The following ACOX1 variants were observed in gnomAD, a reference collection of about 807,000 sequenced individuals.
The protein encoded by ACOX1 is peroxisomal acyl-coenzyme A oxidase 1.
A neutral mutation model predicts 75.5 loss-of-function variants in ACOX1; 41 were observed. The ratio of observed to expected loss-of-function variants is 0.54; its 90% CI spans 0.42 to 0.70. The LOEUF is 0.70. Among genes scored for constraint, ACOX1 ranks in the 30% least tolerant of loss-of-function variants. ACOX1 has a pLI of 0.00. For synonymous variants in ACOX1, 303 were observed against 298.8 expected (o/e 1.01, Z -0.15); for missense variants, 630 against 837.5 (o/e 0.75, Z 3.06).
chr17:75,950,400 A>G lies in ACOX1; in HGVS notation c.1298+374T>C, dbSNP rs527392897. 1.1e-3 allele frequency among the ~76,000 whole-genome samples: 163 copies of G among 152,226 alleles called. No homozygotes were observed. In the Middle Eastern group the frequency reaches 0.034, roughly 32 times the overall value. On this transcript the variant is annotated intron_variant, in intron 9 of 13. Transcript: ENST00000293217. The surrounding 1 kb of genome is among the most constrained non-coding windows in gnomAD (Gnocchi z 4.3). ...AGGCCGGGATTACAGGCAATGTGCC[A>G]TCATGCCCGGCTAATTTTTTTGTAT...
chr17:75,947,054 G>A (rs554952524), intron 13 of ACOX1, among the ~76,000 whole-genome samples: 1 of 151,906 alleles, frequency 6.6e-6, no homozygotes, highest in South Asian at 2.1e-4. Context: ...TTTTTTTGTA[G>A]AGATGGGGGT....
rs1236200989 is a variant in ACOX1, at chr17:75,950,397, G to A, written c.1298+377C>T. Among the ~76,000 whole-genome samples, 3 of 152,068 alleles carry A rather than the reference G, an allele frequency of 2.0e-5. No homozygotes were observed. The highest frequency in any genetic ancestry group is 7.2e-5 in the African/African-American group (3 of 41,400). ...AGTAGGCCGGGATTACAGGCAATGT[G>A]CCATCATGCCCGGCTAATTTTTTTG... is the stretch of plus-strand genomic sequence containing the variant. On this transcript the variant is annotated intron_variant, in intron 9 of 13. Transcript: ENST00000293217. The surrounding 1 kb of genome is among the most constrained non-coding windows in gnomAD (Gnocchi z 4.3).
intron 2 of ACOX1, among the ~76,000 whole-genome samples, chr17:75,961,888 A>G (rs137979561): frequency 1.4e-4 from 21 of 152,074 alleles, no homozygotes; most frequent in African/African-American, 4.3e-4. Flanking sequence ...CGGAGAACAG[A>G]GAATTTGAGT....
chr17:75,967,796 A>C (rs2065952817), intron 2 of ACOX1, among the ~76,000 whole-genome samples: 1 of 150,018 alleles, frequency 6.7e-6, no homozygotes, highest in African/African-American at 2.4e-5. Flanking sequence ...GCTGGAGTGC[A>C]GTGGCACGAT....
In ACOX1 at chr17:75,950,912, G is replaced by A. The variant is rs1441908388; in HGVS notation, c.1160C>T (p.Thr387Ile). Residue 387 changes from threonine (T) to isoleucine (I), a missense_variant, in exon 9 of 14, where the codon ACT (threonine) becomes ATT (isoleucine). Transcript: ENST00000293217. The surrounding 1 kb of genome is among the most constrained non-coding windows in gnomAD (Gnocchi z 4.3). ...AGCCATCCGACATGCTTCAATGCCA[G>A]TGTTTGCAGTCCAGGAGGTGAAAGC... Reference protein sequence around the residue: ...LKAFTSWTANTGIEACRMACG... With the variant: ...LKAFTSWTANIGIEACRMACG... The A allele has an allele frequency of 1.2e-6, 2 of 1,614,074 alleles. No individual in the cohort carries two copies. The highest frequency in any genetic ancestry group is 2.7e-5 in the African/African-American group (2 of 74,936).
chr17:75,946,865 T>C, intron 13 of ACOX1, 70 bp from the exon 14 acceptor site: 1 of 1,436,178 alleles, frequency 7.0e-7, no homozygotes, highest in Non-Finnish European at 9.7e-7. Flanking sequence ...CTGTTTTTTG[T>C]TTTTGTTTTT....
At position 75,968,462 on chromosome 17, in the gene ACOX1, C is replaced by T. The variant is rs1185920124; in HGVS notation, c.270-8087G>A. 4.9e-5 allele frequency among the ~76,000 whole-genome samples: 6 copies of T among 123,700 alleles called. No homozygotes were observed. The South Asian group carries it at 1.5e-3, about 31-fold the overall frequency. The allele number at this position is 123,700 out of a possible 152,430, so 81.2% of individuals were successfully genotyped here. A position where few individuals can be genotyped will look rare whatever the true frequency, so the allele number is the denominator to read the frequency against. ...AAAAAAAAAAAAAAAAAAAGTTAGCCGGGCATGGTGGAGGGTGCCAGTAGT... is the reference window on the plus strand; with the variant it reads ...AAAAAAAAAAAAAAAAAAAGTTAGCTGGGCATGGTGGAGGGTGCCAGTAGT... On this transcript the variant is annotated intron_variant, in intron 2 of 13. Coordinates refer to ENST00000293217, the MANE Select transcript of ACOX1 (RefSeq NM_004035.7).
intron 7 of ACOX1, among the ~76,000 whole-genome samples, chr17:75,952,773 G>T (rs930912381): frequency 6.7e-6 from 1 of 149,084 alleles, no homozygotes; most frequent in African/African-American, 2.5e-5. Context: ...AGAGACTGCA[G>T]CAAGCTGAGA....
At chr17:75,953,418 T>C in intron 7 of ACOX1, 33 bp downstream of exon 7, 1 of 1,611,046 alleles carries the variant, frequency 6.2e-7, no homozygotes, top group East Asian at 2.2e-5. Context: ...ACTAGGCCTT[T>C]GGTACTGAGC....
intron 2 of ACOX1, among the ~76,000 whole-genome samples, chr17:75,968,120 A>T (rs2065956158): frequency 6.6e-6 from 1 of 151,930 alleles, no homozygotes; most frequent in African/African-American, 2.4e-5. Context: ...GTAATGGGAA[A>T]TTAAAACATT....
At chr17:75,973,690 T>C (rs759407093) in intron 2 of ACOX1, 1 of 1,614,188 alleles carries the variant, frequency 6.2e-7, no homozygotes, top group East Asian at 2.2e-5. Context: ...AAGCAGCCAT[T>C]TCTCTTTCTG....
In ACOX1 at chr17:75,957,000, T is replaced by C. The variant is rs1175637934; in HGVS notation, c.538+459A>G. ...ATATATATATATATATATATATATATATATATATACACACACACACCTCTC... is the reference window on the plus strand; with the variant it reads ...ATATATATATATATATATATATATACATATATATACACACACACACCTCTC... On this transcript the variant is annotated intron_variant, in intron 4 of 13. Transcript: ENST00000293217. Among the ~76,000 whole-genome samples the C allele has an allele frequency of 3.2e-3, 237 of 73,658 alleles. 6 individuals carry two copies. Among genetic ancestry groups the C allele is most frequent in the African/African-American group, 9.5e-3 (224 of 23,550 alleles). The allele number at this position is 73,658 out of a possible 152,430, so 48.3% of individuals were successfully genotyped here.
At chr17:75,974,878 C>T (rs1264548925) in intron 2 of ACOX1, among the ~76,000 whole-genome samples, 1 of 151,376 alleles carries the variant, frequency 6.6e-6, no homozygotes, top group Non-Finnish European at 1.5e-5. Context: ...AACCCCGTCT[C>T]TACGAAAAAT....
intron 2 of ACOX1, among the ~76,000 whole-genome samples, chr17:75,970,777 T>C (rs1057456143): frequency 1.3e-5 from 2 of 152,230 alleles, no homozygotes; most frequent in African/African-American, 4.8e-5. Flanking sequence ...AGCTGCTCTA[T>C]TGCCGATCTC....
At chr17:75,959,148 A>G (rs1567879919) in intron 3 of ACOX1, among the ~76,000 whole-genome samples, 1 of 152,232 alleles carries the variant, frequency 6.6e-6, no homozygotes, top group Admixed American at 6.5e-5. Context: ...ATCTGCTTTC[A>G]TAACGCTTAG....
At chr17:75,968,430 C>T (rs1263573003) in intron 2 of ACOX1, among the ~76,000 whole-genome samples, 7 of 59,596 alleles carry the variant, frequency 1.2e-4, no homozygotes, top group Non-Finnish European at 1.5e-4. Context: ...AGCGAGACTC[C>T]GTCTCAAAAA....
chr17:75,944,715 T>C lies in ACOX1; in HGVS notation c.*2033A>G, dbSNP rs2065704274. ...AAGTTCAAGACAGAACATTCCAATA[T>C]TAATAAAAATAGCATCAAATGTCAG... On this transcript the variant is annotated 3_prime_UTR_variant, in exon 14 of 14. Transcript: ENST00000293217. The C allele has an allele frequency of 6.6e-6, 1 of 152,168 alleles. No homozygotes were observed. The allele number at this position is 152,168 out of a possible 1,614,324, so 9.4% of individuals were successfully genotyped here.
At position 75,968,605 on chromosome 17, in the gene ACOX1, GA is replaced by G. The variant is rs56009651; in HGVS notation, c.270-8231del. ...TGGGCGACAAAGCGAGACTCCGCCT[GA>G]AAAAAAAAAAAAAAAAAAGAAATAT... On this transcript the variant is annotated intron_variant, in intron 2 of 13. Coordinates refer to ENST00000293217, the MANE Select transcript of ACOX1 (RefSeq NM_004035.7). Among the ~76,000 whole-genome samples, 124 of 69,240 alleles carry G rather than the reference GA, an allele frequency of 1.8e-3. 1 individual carries two copies. Among genetic ancestry groups the G allele is most frequent in the Non-Finnish European group, 2.3e-3 (89 of 37,948 alleles). The allele number at this position is 69,240 out of a possible 152,430, so 45.4% of individuals were successfully genotyped here. A position where few individuals can be genotyped will look rare whatever the true frequency, so the allele number is the denominator to read the frequency against.
intron 2 of ACOX1, among the ~76,000 whole-genome samples, chr17:75,965,062 C>A (rs1032793625): frequency 6.6e-6 from 1 of 152,074 alleles, no homozygotes; most frequent in African/African-American, 2.4e-5. Flanking sequence ...AGCACTCAGG[C>A]GTGGTGGCTC....
Sources: allele counts gnomAD v4.1 joint callset (sites outside exome capture counted in the v4.1 genomes callset), GRCh38; gene constraint gnomAD v4.1.1; non-coding constraint Gnocchi (gnomAD v3.1); transcripts MANE v1.5; gene names NCBI Gene and HGNC (gene_info 2026-07-23, HGNC 2026-07-21).